The following NOS1 variants were observed in gnomAD, a reference collection of about 807,000 sequenced individuals.
The protein encoded by NOS1 is nitric oxide synthase 1, also known as NOS type I.
A neutral mutation model predicts 164.5 loss-of-function variants in NOS1; 51 were observed. The ratio of observed to expected loss-of-function variants is 0.31; its 90% confidence interval spans 0.25 to 0.39. The LOEUF is 0.39. NOS1 is among the 10% of genes least tolerant of loss of function. NOS1 has a pLI of 1.00. For missense variants in NOS1, 1,362 were observed against 1,885.6 expected (o/e 0.72, Z 5.14); for synonymous variants, 719 against 745.8 (o/e 0.96, Z 0.59).
chr12:117,275,383 G>T (rs542047938), intron 9 of NOS1, among the ~76,000 whole-genome samples: 1 of 152,192 alleles, frequency 6.6e-6, no homozygotes, highest in South Asian at 2.1e-4. Context: ...TATGTTAAGT[G>T]AAATGAACCA....
rs569387662 is a variant in NOS1, at chr12:117,353,765, A to G, written c.-421+7747T>C. 1.8e-4 allele frequency among the ~76,000 whole-genome samples: 25 copies of G among 141,826 alleles called. 1 individual carries two copies. In the South Asian group the frequency reaches 5.0e-3, roughly 28 times the overall value. 93.0% of individuals were successfully genotyped at this position (141,826 alleles called of 152,430 possible). A position where few individuals can be genotyped will look rare whatever the true frequency, so the allele number is the denominator to read the frequency against. Reference sequence around the variant, plus strand: ...TTGAACCAGATAGGGAATCCTGATCACACCATATTGTTTTTTTAAAATAGC... The same window carrying G: ...TTGAACCAGATAGGGAATCCTGATCGCACCATATTGTTTTTTTAAAATAGC... On this transcript the variant is annotated intron_variant, in intron 1 of 28. Coordinates refer to ENST00000317775, the MANE Select transcript of NOS1 (RefSeq NM_000620.5).
chr12:117,352,922 G>A (rs554176194), intron 1 of NOS1, among the ~76,000 whole-genome samples: 192 of 152,210 alleles, frequency 1.3e-3, no homozygotes, highest in African/African-American at 4.5e-3. Flanking sequence ...TAAAAGAATG[G>A]TGTAAAAACA....
At chr12:117,221,790 C>T (rs1438915295) in intron 26 of NOS1, among the ~76,000 whole-genome samples, 1 of 145,142 alleles carries the variant, frequency 6.9e-6, no homozygotes, top group Non-Finnish European at 1.5e-5. Context: ...GGACCACAGT[C>T]ATACGCCACC....
chr12:117,251,532 C>A (rs1368095588), intron 17 of NOS1, among the ~76,000 whole-genome samples: 2 of 151,980 alleles, frequency 1.3e-5, no homozygotes, highest in Non-Finnish European at 2.9e-5. Context: ...CCCACCACAG[C>A]CTCCCAAGTA....
In NOS1 at chr12:117,213,267, T is replaced by A. The variant is rs1956555115; in HGVS notation, c.*2042A>T. 2.0e-6 allele frequency: 2 copies of A among 985,292 alleles called. No homozygotes were observed. Among genetic ancestry groups the A allele is most frequent in the Admixed American group, 1.2e-4 (2 of 16,246 alleles). The allele number at this position is 985,292 out of a possible 1,614,324, so 61.0% of individuals were successfully genotyped here. A position where few individuals can be genotyped will look rare whatever the true frequency, so the allele number is the denominator to read the frequency against. Reference sequence around the variant, plus strand: ...GAGGCGTCTCCAAAGCTATAAAGGATTGGAAAGAAAGCCTTTGGGAGGAAA... The same window carrying A: ...GAGGCGTCTCCAAAGCTATAAAGGAATGGAAAGAAAGCCTTTGGGAGGAAA... On this transcript the variant is annotated 3_prime_UTR_variant, in exon 29 of 29. Transcript: ENST00000317775.
chr12:117,218,227 C>T lies in NOS1; in HGVS notation c.4171-63G>A, dbSNP rs41501744. 5.1e-5 allele frequency: 62 copies of T among 1,210,808 alleles called. No individual in the cohort carries two copies. The African/African-American group carries it at 8.7e-4, about 17-fold the overall frequency. 75.0% of individuals were successfully genotyped at this position (1,210,808 alleles called of 1,614,324 possible). Reference sequence around the variant, plus strand: ...GCCAGATAAAGGCTTGGAGCAGGGGCAGACTTGCCTGACACCTGGAATGGA... The same window carrying T: ...GCCAGATAAAGGCTTGGAGCAGGGGTAGACTTGCCTGACACCTGGAATGGA... On this transcript the variant is annotated intron_variant, in intron 27 of 28. Transcript: ENST00000317775.
chr12:117,242,471 A>G (rs1003647812), intron 20 of NOS1, among the ~76,000 whole-genome samples, 156 bp downstream of exon 20: 4 of 152,230 alleles, frequency 2.6e-5, no homozygotes, highest in African/African-American at 9.6e-5. Context: ...AAAGGAAAGC[A>G]GGAACCCCAG....
chr12:117,330,250 T>C lies in NOS1; in HGVS notation c.725+95A>G. 3.4e-6 allele frequency: 5 copies of C among 1,474,660 alleles called. No individual in the cohort carries two copies. The highest frequency in any genetic ancestry group is 4.5e-6 in the Non-Finnish European group (5 of 1,113,958). The allele number at this position is 1,474,660 out of a possible 1,614,324, so 91.3% of individuals were successfully genotyped here. On this transcript the variant is annotated intron_variant, in intron 2 of 28. Coordinates refer to ENST00000317775, the MANE Select transcript of NOS1 (RefSeq NM_000620.5). The surrounding 1 kb of genome is among the most constrained non-coding windows in gnomAD (Gnocchi z 4.6). The stretch of plus-strand genomic sequence containing the variant: ...ATCTGAGACAGCCCAGGTTGGCTTC[T>C]GGGCTATGAGGCTGAGTCTCAGTAG...
chr12:117,253,396 G>C (rs1871229557), intron 17 of NOS1, among the ~76,000 whole-genome samples: 1 of 152,044 alleles, frequency 6.6e-6, no homozygotes, highest in Non-Finnish European at 1.5e-5. Flanking sequence ...TTGGGTAATG[G>C]GGCTCTGAGG....
In NOS1 at chr12:117,272,662, C is replaced by T; in HGVS notation, c.1665-103G>A. On this transcript the variant is annotated intron_variant, in intron 9 of 28. Coordinates refer to ENST00000317775, the MANE Select transcript of NOS1 (RefSeq NM_000620.5). The surrounding 1 kb of genome is among the most constrained non-coding windows in gnomAD (Gnocchi z 4.3). Reference sequence around the variant, plus strand: ...AATGCCAAGGATGGACTGGGACTGACAAGGTCAGAATATGGTTCCTGGGCC... The same window carrying T: ...AATGCCAAGGATGGACTGGGACTGATAAGGTCAGAATATGGTTCCTGGGCC... 8.9e-7 allele frequency: 1 copy of T among 1,128,328 alleles called. No individual in the cohort carries two copies. The highest frequency in any genetic ancestry group is 1.3e-6 in the Non-Finnish European group (1 of 787,352). The allele number at this position is 1,128,328 out of a possible 1,614,324, so 69.9% of individuals were successfully genotyped here.
intron 20 of NOS1, among the ~76,000 whole-genome samples, chr12:117,235,180 A>C (rs1308229849): frequency 6.6e-6 from 1 of 152,092 alleles, no homozygotes; most frequent in East Asian, 1.9e-4. Flanking sequence ...GGCCTTCCAA[A>C]GTGCTAGGAT....
chr12:117,227,687 C>T, intron 22 of NOS1, 46 bp from the exon 23 acceptor site: 1 of 1,590,252 alleles, frequency 6.3e-7, no homozygotes, highest in East Asian at 2.2e-5. Flanking sequence ...CCAGCTGCCA[C>T]ATACTTCCCA....
At chr12:117,279,065 T>G (rs956302683) in intron 8 of NOS1, among the ~76,000 whole-genome samples, 2 of 151,932 alleles carry the variant, frequency 1.3e-5, no homozygotes, top group African/African-American at 4.8e-5. Context: ...GTATCCATAT[T>G]ATTACTATTT....
Position 117,211,395 on chromosome 12 carries a change from C to A in NOS1, c.*3914G>T. On this transcript the variant is annotated 3_prime_UTR_variant, in exon 29 of 29. Coordinates refer to ENST00000317775, the MANE Select transcript of NOS1 (RefSeq NM_000620.5). ...CTCAAGCCTTGGTTGCAGCAATAAC[C>A]CCCCCAACAGCTCAACGGGCCATGC... is the stretch of plus-strand genomic sequence containing the variant. 1.0e-6 allele frequency: 1 copy of A among 985,482 alleles called. No individual in the cohort carries two copies. The highest frequency in any genetic ancestry group is 1.2e-6 in the Non-Finnish European group (1 of 830,004). The allele number at this position is 985,482 out of a possible 1,614,324, so 61.0% of individuals were successfully genotyped here.
rs1266750855 is a variant in NOS1 at position 117,359,874 on chromosome 12, TTTTATATATATA to T, written c.-421+1626_-421+1637del. ...CGGTCCCAGAGCATTACAATAATGG[TTTTATATATATA>T]TATATATATATATATATATATATAT... On this transcript the variant is annotated intron_variant, in intron 1 of 28. Coordinates refer to ENST00000317775, the MANE Select transcript of NOS1 (RefSeq NM_000620.5). 1.9e-3 allele frequency among the ~76,000 whole-genome samples: 85 copies of T among 44,202 alleles called. 3 individuals are homozygous for T. The highest frequency in any genetic ancestry group is 2.7e-3 in the African/African-American group (33 of 12,042). 29.0% of individuals were successfully genotyped at this position (44,202 alleles called of 152,430 possible). A position where few individuals can be genotyped will look rare whatever the true frequency, so the allele number is the denominator to read the frequency against.
intron 20 of NOS1, among the ~76,000 whole-genome samples, chr12:117,237,552 T>C (rs139754895): frequency 6.6e-6 from 1 of 152,128 alleles, no homozygotes; most frequent in African/African-American, 2.4e-5. Context: ...TCCCCCCGAG[T>C]GTCCCCTCTG....
chr12:117,320,456 A>C (rs1459451298), intron 2 of NOS1, among the ~76,000 whole-genome samples: 3 of 152,200 alleles, frequency 2.0e-5, no homozygotes, highest in African/African-American at 2.4e-5. Flanking sequence ...AGAGGCAAGG[A>C]AATGAGTTCT....
chr12:117,229,266 C>T (rs1331216298), intron 22 of NOS1, among the ~76,000 whole-genome samples: 2 of 152,178 alleles, frequency 1.3e-5, no homozygotes, highest in African/African-American at 2.4e-5. Flanking sequence ...TTCCCACAGG[C>T]TGCTCCCTGC....
chr12:117,209,968 G>T lies in NOS1; in HGVS notation c.*5341C>A. ...TGTGTTTCCTTAATCCCAGCACCTG[G>T]TCTTTCATTTTAATTTTTTTTAGAG... On this transcript the variant is annotated 3_prime_UTR_variant, in exon 29 of 29. Transcript: ENST00000317775. 1 of 985,270 alleles carries T rather than the reference G, an allele frequency of 1.0e-6. No homozygotes were observed. The highest frequency in any genetic ancestry group is 1.2e-6 in the Non-Finnish European group (1 of 829,974). 61.0% of individuals were successfully genotyped at this position (985,270 alleles called of 1,614,324 possible). A position where few individuals can be genotyped will look rare whatever the true frequency, so the allele number is the denominator to read the frequency against.
Sources: gnomAD v4.1 joint callset for allele counts (sites outside exome capture counted in the v4.1 genomes callset) on GRCh38, gnomAD v4.1.1 for gene constraint, Gnocchi (gnomAD v3.1) non-coding constraint, MANE v1.5 for transcripts, NCBI Gene and HGNC (gene_info 2026-07-23, HGNC 2026-07-21) for gene names.